The following FLNC variants were observed in gnomAD, a reference collection of about 807,000 sequenced individuals.
FLNC encodes filamin-C.
Under a neutral mutation model 254.3 loss-of-function variants are expected in FLNC, and 91 were observed. That is an observed-to-expected ratio of 0.36 (90% CI 0.30 to 0.43). The LOEUF (loss-of-function observed/expected upper bound fraction) is 0.43, where lower values mean the gene tolerates loss of function less well. Ranked by LOEUF, FLNC falls within the 20% of genes least tolerant of loss-of-function variation. FLNC has a pLI of 1.00. For missense variants in FLNC, 2,853 were observed against 3,802.6 expected, an observed-to-expected ratio of 0.75 and a Z score of 6.57; for synonymous variants, 1,430 against 1,577.2, an observed-to-expected ratio of 0.91 and a Z score of 2.21.
chr7:128,854,807 G>A lies in FLNC; in HGVS notation c.7030G>A (p.Ala2344Thr), dbSNP rs529917784. 5 of 1,614,152 alleles carry A rather than the reference G, an allele frequency of 3.1e-6. No individual in the cohort carries two copies. Among genetic ancestry groups the A allele is most frequent in the Admixed American group, 3.3e-5 (2 of 60,034 alleles). The change falls in exon 42 of 48, where the codon GCT becomes ACT. Residue 2344 changes from alanine (A) to threonine (T), a missense_variant. Physicochemically the swap from Ala to Thr is moderately conservative, Grantham distance 58. Around this residue, in one of 10 missense-constraint regions of FLNC, gnomAD observed 551 missense variants for 835.0 expected, o/e 0.66. Transcript: ENST00000325888. ...EFSIWTREAG[A>T]GGLSIAVEGP... ...CAGCATCTGGACCCGGGAGGCTGGC[G>A]CTGGGGGCCTGTCCATTGCTGTGGA...
In FLNC at chr7:128,854,177, C is replaced by T. The variant is rs374186437; in HGVS notation, c.6688C>T (p.Arg2230Cys). 6 of 1,609,242 alleles carry T rather than the reference C, an allele frequency of 3.7e-6. No individual in the cohort carries two copies. Among genetic ancestry groups the T allele is most frequent in the East Asian group, 2.2e-5 (1 of 44,744 alleles). ...AVFGDFLGRE[R>C]LGSFGSITRQ... ...GTTTGGGGACTTCCTGGGCCGGGAG[C>T]GCCTGGGATCCTTCGGCAGCATCAC... The change falls in exon 40 of 48, where the codon CGC (arginine) becomes TGC (cysteine). Residue 2230 changes from arginine (R) to cysteine (C), a missense_variant. Around this residue, in one of 10 missense-constraint regions of FLNC, gnomAD observed 551 missense variants for 835.0 expected, o/e 0.66. Transcript: ENST00000325888.
Position 128,856,441 on chromosome 7 carries a change from C to T in FLNC, c.7252-77C>T, listed in dbSNP as rs1809060358. The T allele has an allele frequency of 2.5e-6, 4 of 1,572,174 alleles. No individual in the cohort carries two copies. The Admixed American group carries it at 6.7e-5, about 26-fold the overall frequency. On this transcript the variant is annotated intron_variant, in intron 43 of 47. Coordinates refer to ENST00000325888, the MANE Select transcript of FLNC (RefSeq NM_001458.5). This position sits in a 1 kb window ranked among gnomAD's most constrained non-coding sequence, Gnocchi z 5.9. The stretch of plus-strand genomic sequence containing the variant: ...GCCTTTGGGCTGGGCTTACAGTGAG[C>T]ACCGTGTGGGGCTTCAGAGAAGACT...
chr7:128,854,891 T>G lies in FLNC; in HGVS notation c.7114T>G (p.Ser2372Ala). The G allele has an allele frequency of 6.2e-7, 1 of 1,614,050 alleles. No homozygotes were observed. Residue 2372 changes from serine to alanine, a missense_variant, in exon 42 of 48, where the codon TCC (serine) becomes GCC (alanine). Ser to Ala is a moderately conservative substitution (Grantham distance 99). Transcript: ENST00000325888. Reference protein sequence around the residue: ...EDRKDGSCGVSYVVQEPGDYE... With the variant: ...EDRKDGSCGVAYVVQEPGDYE... ...TCGCAAAGATGGCTCCTGCGGCGTC[T>G]CCTATGTCGTCCAGGAACCAGGTGG...
At chr7:128,850,279 T>C (rs914090565) in intron 31 of FLNC, 105 bp from the exon 32 acceptor site, 17 of 1,083,062 alleles carry the variant, frequency 1.6e-5, no homozygotes, top group Non-Finnish European at 2.3e-5. Flanking sequence ...GCTGGTTTCA[T>C]GATTAACTAC....
In FLNC at chr7:128,830,491, A is replaced by AGCCTCGCCGT. The variant is rs1445092121; in HGVS notation, c.-144_-143insTCGCCGTGCC. On this transcript the variant is annotated 5_prime_UTR_variant, in exon 1 of 48. Coordinates refer to ENST00000325888, the MANE Select transcript of FLNC (RefSeq NM_001458.5). ...CTAGGAGGCCCGCCGAGCCTCGCCGAGCCCCGCCAGCCCCGGCGCGAGAGA... is the reference window on the plus strand; with the variant it reads ...CTAGGAGGCCCGCCGAGCCTCGCCGAGCCTCGCCGTGCCCCGCCAGCCCCGGCGCGAGAGA... 177 of 688,624 alleles carry AGCCTCGCCGT rather than the reference A, an allele frequency of 2.6e-4. No individual in the cohort carries two copies. The African/African-American group carries it at 2.9e-3, about 11-fold the overall frequency. The allele number at this position is 688,624 out of a possible 1,614,324, so 42.7% of individuals were successfully genotyped here.
rs11971599 is a variant in FLNC, at chr7:128,853,115, C to T, written c.6208+84C>T. On this transcript the variant is annotated intron_variant, in intron 37 of 47. Coordinates refer to ENST00000325888, the MANE Select transcript of FLNC (RefSeq NM_001458.5). ...TCGTCCTGCCCAGCACCCCCTTGGCCGCACTCTCTCCTCCCTGAAACTTCC... is the reference window on the plus strand; with the variant it reads ...TCGTCCTGCCCAGCACCCCCTTGGCTGCACTCTCTCCTCCCTGAAACTTCC... 98,359 of 1,333,544 alleles carry T rather than the reference C, an allele frequency of 0.074. 8,481 individuals are homozygous for T. Among genetic ancestry groups the T allele is most frequent in the African/African-American group, 0.33 (23,163 of 69,488 alleles). 82.6% of individuals were successfully genotyped at this position (1,333,544 alleles called of 1,614,324 possible).
Position 128,856,899 on chromosome 7 carries a change from T to C in FLNC, c.7539T>C (p.Pro2513=), listed in dbSNP as rs1470402145. 5 of 1,613,994 alleles carry C rather than the reference T, an allele frequency of 3.1e-6. No homozygotes were observed. Among genetic ancestry groups the C allele is most frequent in the Non-Finnish European group, 4.2e-6 (5 of 1,180,016 alleles). The change falls in exon 45 of 48, where the codon CCT becomes CCC. Residue 2513 remains proline, a synonymous_variant. Transcript: ENST00000325888. This position sits in a 1 kb window ranked among gnomAD's most constrained non-coding sequence, Gnocchi z 5.9. Reference sequence around the variant, plus strand: ...CAGGCTTGGTGTCAGCCTACGGTCCTGGGCTCGAGGGAGGCACTACCGGTG... The same window carrying C: ...CAGGCTTGGTGTCAGCCTACGGTCCCGGGCTCGAGGGAGGCACTACCGGTG... The part of the protein sequence containing the change: ...GDPGLVSAYG[P]GLEGGTTGVS...
Position 128,843,829 on chromosome 7 carries a change from G to A in FLNC, c.2845G>A (p.Asp949Asn), listed in dbSNP as rs761905908. The change falls in exon 19 of 48, where the codon GAC (aspartate) becomes AAC (asparagine). Residue 949 changes from aspartate to asparagine, a missense_variant. Physicochemically the swap from Asp to Asn is conservative, Grantham distance 23. Coordinates refer to ENST00000325888, the MANE Select transcript of FLNC (RefSeq NM_001458.5). The stretch of plus-strand genomic sequence containing the variant: ...GGCAGTGACAGTGACTTATGGCGGG[G>A]ACCCTGTCCCCAAGAGCCCCTTTGT... ...NMAVTVTYGG[D>N]PVPKSPFVVN... The A allele has an allele frequency of 2.5e-6, 4 of 1,613,812 alleles. No individual in the cohort carries two copies. The African/African-American group carries it at 5.3e-5, about 22-fold the overall frequency.
chr7:128,830,634 C>T lies in FLNC; in HGVS notation c.-4C>T. The T allele has an allele frequency of 1.9e-6, 3 of 1,612,192 alleles. No homozygotes were observed. The highest frequency in any genetic ancestry group is 2.5e-6 in the Non-Finnish European group (3 of 1,179,708). On this transcript the variant is annotated 5_prime_UTR_variant, in exon 1 of 48. Coordinates refer to ENST00000325888, the MANE Select transcript of FLNC (RefSeq NM_001458.5). ...CCCCGGCCGCACCCCCAGCCCGCGC[C>T]AGCATGATGAACAACAGCGGCTACT... is the stretch of plus-strand genomic sequence containing the variant.
chr7:128,831,996 G>T (rs570986518), intron 1 of FLNC, among the ~76,000 whole-genome samples: 1 of 152,052 alleles, frequency 6.6e-6, no homozygotes, highest in African/African-American at 2.4e-5. Flanking sequence ...CGAGGTCCTT[G>T]GACGGTGCAC....
chr7:128,834,318 C>A (rs375145122), intron 1 of FLNC, among the ~76,000 whole-genome samples: 3 of 147,816 alleles, frequency 2.0e-5, no homozygotes, highest in East Asian at 3.9e-4. Context: ...GGCGCCCCCC[C>A]CCCCCAAATC....
chr7:128,848,129 G>T, intron 26 of FLNC, 61 bp downstream of exon 26: 1 of 1,551,556 alleles, frequency 6.4e-7, no homozygotes, highest in South Asian at 1.2e-5. Context: ...CTGCTGGGGT[G>T]GCACTCAGGA....
rs200712644 is a variant in FLNC, at chr7:128,845,047, G to A, written c.3582G>A (p.Ser1194=). The A allele has an allele frequency of 2.4e-5, 39 of 1,613,844 alleles. No homozygotes were observed. In the Middle Eastern group the frequency reaches 4.9e-4, roughly 20 times the overall value. ...GEAELTIEIL[S]DAGVKAEVLI... ...CGGAGCTGACCATTGAGATCCTGTC[G>A]GATGCCGGGGTCAAGGCCGAGGTGC... Residue 1194 remains serine (S), a synonymous_variant, in exon 21 of 48, where the codon TCG becomes TCA. Coordinates refer to ENST00000325888, the MANE Select transcript of FLNC (RefSeq NM_001458.5).
In FLNC at chr7:128,839,026, G is replaced by A. The variant is rs144736830; in HGVS notation, c.1411+223G>A. ...AGGGCTGAGCGGAAGTGACGGGGCT[G>A]TATGGGTGGGGGCATATCTAGGGAG... On this transcript the variant is annotated intron_variant, in intron 8 of 47. Transcript: ENST00000325888. 5.3e-3 allele frequency among the ~76,000 whole-genome samples: 807 copies of A among 152,328 alleles called. 3 individuals carry two copies. The highest frequency in any genetic ancestry group is 0.019 in the African/African-American group (772 of 41,578).
chr7:128,834,847 G>T (rs1417301513), intron 1 of FLNC, among the ~76,000 whole-genome samples: 1 of 152,094 alleles, frequency 6.6e-6, no homozygotes, highest in African/African-American at 2.4e-5. Context: ...AAACTTTGGG[G>T]AGTGATGGAT....
chr7:128,850,664 C>T (rs1359713169), intron 32 of FLNC, 139 bp from the exon 33 acceptor site: 2 of 1,383,134 alleles, frequency 1.4e-6, no homozygotes, highest in East Asian at 4.9e-5. Context: ...CAGTTCAGGG[C>T]TCAGGCCACT....
In FLNC at chr7:128,841,147, G is replaced by A. The variant is rs1248405424; in HGVS notation, c.1814-23G>A. The A allele has an allele frequency of 1.2e-5, 19 of 1,611,814 alleles. No homozygotes were observed. The highest frequency in any genetic ancestry group is 2.2e-5 in the East Asian group (1 of 44,864). ...GGGTCTTGCCTGATGCTGGATCCCC[G>A]ACCCTCCCCCACCTTGCCCCAGGCT... On this transcript the variant is annotated intron_variant, in intron 11 of 47. Coordinates refer to ENST00000325888, the MANE Select transcript of FLNC (RefSeq NM_001458.5). This position sits in a 1 kb window ranked among gnomAD's most constrained non-coding sequence, Gnocchi z 4.3.
At position 128,854,474 on chromosome 7, in the gene FLNC, C is replaced by G; in HGVS notation, c.6789C>G (p.Ala2263=). ...QVTSPSGKVE[A]AEIVEGEDSA... is the part of the protein sequence containing the mutation. ...CCAGCCCATCGGGCAAGGTGGAAGC[C>G]GCAGAGATCGTCGAGGGCGAGGACA... Residue 2263 remains alanine (A), a synonymous_variant, in exon 41 of 48, where the codon GCC becomes GCG. Transcript: ENST00000325888. 15 of 1,608,510 alleles carry G rather than the reference C, an allele frequency of 9.3e-6. No homozygotes were observed. The highest frequency in any genetic ancestry group is 1.3e-5 in the Non-Finnish European group (15 of 1,177,948).
intron 21 of FLNC, 25 bp from the exon 22 acceptor site, chr7:128,845,965 T>TG (rs750562369): frequency 8.1e-6 from 13 of 1,612,624 alleles, no homozygotes; most frequent in South Asian, 7.7e-5. Context: ...CCACCCCTGC[T>TG]GAACACGCCA....
Sources: allele counts gnomAD v4.1 joint callset (sites outside exome capture counted in the v4.1 genomes callset), GRCh38; gene constraint gnomAD v4.1.1; regional missense constraint gnomAD v4.1.1; non-coding constraint Gnocchi (gnomAD v3.1); transcripts MANE v1.5; gene names NCBI Gene and HGNC (gene_info 2026-07-23, HGNC 2026-07-21).